Variants in SCMH1 observed in about 807,000 individuals in gnomAD.
The protein encoded by SCMH1 is polycomb protein SCMH1.
A neutral mutation model predicts 70.8 loss-of-function variants in SCMH1; 37 were observed. That is an observed-to-expected ratio of 0.52 (90% CI 0.40 to 0.69). The LOEUF (loss-of-function observed/expected upper bound fraction) is 0.69. Ranked by LOEUF, SCMH1 falls within the 30% of genes least tolerant of loss-of-function variation. The pLI, the probability that SCMH1 is intolerant of heterozygous loss-of-function variation, is 0.00. For synonymous variants in SCMH1, 292 were observed against 307.4 expected (o/e 0.95, Z 0.52); for missense variants, 607 against 827.3 (o/e 0.73, Z 3.27).
At chr1:41,194,547 A>G (rs1386900453) in intron 1 of SCMH1, among the ~76,000 whole-genome samples, 1 of 152,230 alleles carries the variant, frequency 6.6e-6, no homozygotes, top group Non-Finnish European at 1.5e-5. Context: ...TAAGTTTCCA[A>G]TTTCCAGGAT....
In SCMH1 at chr1:41,147,019, C is replaced by G. The variant is rs1421072205; in HGVS notation, c.178-3907G>C. 2.0e-5 allele frequency among the ~76,000 whole-genome samples: 3 copies of G among 152,172 alleles called. No homozygotes were observed. The East Asian group carries it at 5.8e-4, about 29-fold the overall frequency. The stretch of plus-strand genomic sequence containing the variant: ...TTGAACCATTCTGCATTTTCACCAG[C>G]AGCATATGAAAGTTCCATTTGTTCT... On this transcript the variant is annotated intron_variant, in intron 5 of 14. Coordinates refer to ENST00000337495, the Ensembl canonical transcript of SCMH1.
chr1:41,181,490 A>G (rs1327471668), intron 2 of SCMH1, among the ~76,000 whole-genome samples: 1 of 152,216 alleles, frequency 6.6e-6, no homozygotes, highest in African/African-American at 2.4e-5. Context: ...ATGAACTCAA[A>G]CAAATTTACA....
At chr1:41,082,242 C>T (rs941425380) in intron 8 of SCMH1, among the ~76,000 whole-genome samples, 1 of 151,796 alleles carries the variant, frequency 6.6e-6, no homozygotes, top group Non-Finnish European at 1.5e-5. Flanking sequence ...TGAAAAAAAG[C>T]AACTCCAAGA....
chr1:41,216,282 A>G (rs1229107074), intron 1 of SCMH1, among the ~76,000 whole-genome samples: 2 of 152,244 alleles, frequency 1.3e-5, no homozygotes, highest in Non-Finnish European at 1.5e-5. Flanking sequence ...AGAAAATCCA[A>G]ATAAGTATAA....
At chr1:41,163,363 A>G (rs1646198984) in intron 2 of SCMH1, among the ~76,000 whole-genome samples, 1 of 152,168 alleles carries the variant, frequency 6.6e-6, no homozygotes. Context: ...CGTGAGATCC[A>G]GGCTGATAGC....
chr1:41,115,416 G>C (rs564874599), intron 7 of SCMH1, among the ~76,000 whole-genome samples: 2 of 152,218 alleles, frequency 1.3e-5, no homozygotes, highest in African/African-American at 4.8e-5. Context: ...ATGATAATTA[G>C]ATAGTGACCT....
At chr1:41,181,133 C>A (rs1428125330) in intron 2 of SCMH1, among the ~76,000 whole-genome samples, 1 of 152,178 alleles carries the variant, frequency 6.6e-6, no homozygotes, top group African/African-American at 2.4e-5. Flanking sequence ...GCTGGGAAAA[C>A]TGGCTAGCCA....
Position 41,060,903 on chromosome 1 carries a change from C to T in SCMH1, c.1105+9692G>A, listed in dbSNP as rs1471527625. On this transcript the variant is annotated intron_variant, in intron 10 of 14. Transcript: ENST00000337495. ...TGCCAAGGTCTTGCTATGTTGTTGG[C>T]GACTCCTAAGCTCAAGTGATCAATC... 2.6e-5 allele frequency among the ~76,000 whole-genome samples: 4 copies of T among 152,172 alleles called. No homozygotes were observed. In the East Asian group the frequency reaches 5.8e-4, roughly 22 times the overall value.
chr1:41,167,524 T>G (rs973869730), intron 2 of SCMH1, among the ~76,000 whole-genome samples: 1 of 152,192 alleles, frequency 6.6e-6, no homozygotes, highest in Non-Finnish European at 1.5e-5. Flanking sequence ...TGGAGACTTT[T>G]AATTACTGAT....
chr1:41,145,289 G>A (rs1185663556), intron 5 of SCMH1, among the ~76,000 whole-genome samples: 1 of 151,920 alleles, frequency 6.6e-6, no homozygotes, highest in Non-Finnish European at 1.5e-5. Context: ...TTTTTTTTAT[G>A]TGGATAACCA....
chr1:41,127,757 T>C (rs1440979426), intron 6 of SCMH1, among the ~76,000 whole-genome samples: 1 of 152,122 alleles, frequency 6.6e-6, no homozygotes, highest in Non-Finnish European at 1.5e-5. Flanking sequence ...TATGGTCTTA[T>C]AAGAAGAGGA....
At chr1:41,133,511 G>T (rs1180022108) in intron 6 of SCMH1, among the ~76,000 whole-genome samples, 2 of 151,924 alleles carry the variant, frequency 1.3e-5, no homozygotes, top group East Asian at 3.9e-4. Context: ...TGGTTTTTTT[G>T]AAAAGATCAA....
intron 4 of SCMH1, chr1:41,159,803 CT>C: frequency 1.4e-6 from 2 of 1,478,752 alleles, no homozygotes; most frequent in Non-Finnish European, 1.8e-6. Flanking sequence ...GAAGATTTGA[CT>C]TTTAGAGTAA....
chr1:41,051,756 T>C (rs576675992), intron 10 of SCMH1, among the ~76,000 whole-genome samples: 7 of 152,192 alleles, frequency 4.6e-5, no homozygotes, highest in Admixed American at 3.3e-4. Flanking sequence ...CCAAGTGTTA[T>C]TAAAAGAGTC....
chr1:41,043,809 A>G (rs1235602269), intron 12 of SCMH1: 1 of 152,104 alleles, frequency 6.6e-6, no homozygotes, highest in Non-Finnish European at 1.5e-5. Context: ...AGATAAACAC[A>G]AAAGTATTTA....
chr1:41,064,876 C>T (rs1315470478), intron 10 of SCMH1, among the ~76,000 whole-genome samples: 2 of 151,940 alleles, frequency 1.3e-5, no homozygotes, highest in Non-Finnish European at 2.9e-5. Context: ...GATCACACCA[C>T]TGCACTCCAG....
At chr1:41,099,011 A>C (rs1228794934) in intron 8 of SCMH1, 1 of 259,094 alleles carries the variant, frequency 3.9e-6, no homozygotes, top group Non-Finnish European at 7.6e-6. Context: ...GGTTGTAAAG[A>C]AGCTCTATGA....
At chr1:41,057,284 G>A (rs1258511232) in intron 10 of SCMH1, among the ~76,000 whole-genome samples, 1 of 151,592 alleles carries the variant, frequency 6.6e-6, no homozygotes, top group East Asian at 1.9e-4. Flanking sequence ...TTTGTTTTTT[G>A]AGACAGAATC....
chr1:41,162,645 C>T (rs1176914122), intron 2 of SCMH1: 2 of 152,274 alleles, frequency 1.3e-5, no homozygotes, highest in Admixed American at 1.3e-4. Flanking sequence ...TGACAACCTG[C>T]TTGCAGAGAG....
Sources: gnomAD v4.1 joint callset for allele counts (sites outside exome capture counted in the v4.1 genomes callset) on GRCh38, gnomAD v4.1.1 for gene constraint, MANE v1.5 for transcripts, NCBI Gene and HGNC (gene_info 2026-07-23, HGNC 2026-07-21) for gene names.